The following RPS6KA2 variants were observed in gnomAD, a reference collection of about 807,000 sequenced individuals.
RPS6KA2 encodes ribosomal protein S6 kinase alpha-2.
Under a neutral mutation model 91.8 loss-of-function variants are expected in RPS6KA2, and 42 were observed. That is an observed-to-expected ratio of 0.46 (90% CI 0.36 to 0.59). The LOEUF (loss-of-function observed/expected upper bound fraction) is 0.59. Among genes scored for constraint, RPS6KA2 ranks in the 20% least tolerant of loss-of-function variants. RPS6KA2 has a pLI of 0.00. For missense variants in RPS6KA2, 798 were observed against 978.5 expected (o/e 0.82, Z 2.46); for synonymous variants, 414 against 393.6 (o/e 1.05, Z -0.61).
intron 5 of RPS6KA2, among the ~76,000 whole-genome samples, chr6:166,507,885 C>T (rs879013442): frequency 6.7e-6 from 1 of 148,526 alleles, no homozygotes; most frequent in African/African-American, 2.5e-5. Flanking sequence ...CACGCACACC[C>T]CCCCACACAC....
At chr6:166,661,848 A>C (rs1788172480) in intron 2 of RPS6KA2, among the ~76,000 whole-genome samples, 1 of 152,090 alleles carries the variant, frequency 6.6e-6, no homozygotes, top group South Asian at 2.1e-4. Flanking sequence ...ACTGTGGCCC[A>C]TCTGGAAGTT....
chr6:166,696,338 A>G (rs183325449), intron 2 of RPS6KA2, among the ~76,000 whole-genome samples: 2 of 152,334 alleles, frequency 1.3e-5, no homozygotes, highest in East Asian at 3.9e-4. Flanking sequence ...CTGAATAGGT[A>G]GATGGAAATG....
chr6:166,775,215 T>C (rs1392620063), intron 2 of RPS6KA2, among the ~76,000 whole-genome samples: 1 of 152,036 alleles, frequency 6.6e-6, no homozygotes, highest in African/African-American at 2.4e-5. Context: ...ATAAACACCC[T>C]GGGCCCTTCC....
intron 16 of RPS6KA2, among the ~76,000 whole-genome samples, chr6:166,424,815 G>A (rs139590121): frequency 0.011 from 1,614 of 151,980 alleles, 91 homozygotes; most frequent in Admixed American, 0.096. Context: ...TGCAAGTAAC[G>A]AAAATTCTTA....
chr6:166,541,044 A>G (rs541861445), intron 1 of RPS6KA2, among the ~76,000 whole-genome samples: 6 of 152,356 alleles, frequency 3.9e-5, no homozygotes, highest in Admixed American at 6.5e-5. Context: ...GTCCATTAAC[A>G]TCCTCTACCT....
At chr6:166,707,281 C>CCGGGTTAGAGCACAGT (rs1270148600) in intron 2 of RPS6KA2, among the ~76,000 whole-genome samples, 12 of 152,316 alleles carry the variant, frequency 7.9e-5, no homozygotes, top group Middle Eastern at 3.4e-3. Flanking sequence ...CAGAGCAGAG[C>CCGGGTTAGAGCACAGT]CGGGTTAGAG....
At chr6:166,469,747 C>T (rs375218936) in intron 11 of RPS6KA2, 94 bp downstream of exon 11, 15 of 1,139,772 alleles carry the variant, frequency 1.3e-5, no homozygotes, top group East Asian at 7.1e-5. Context: ...ACTTGTGACC[C>T]GGACACTGAG....
In RPS6KA2 at chr6:166,581,760, C is replaced by T. The variant is rs1166652874; in HGVS notation, c.100-42976G>A. Among the ~76,000 whole-genome samples the T allele has an allele frequency of 4.2e-5, 6 of 142,560 alleles. 1 individual carries two copies. Among genetic ancestry groups the T allele is most frequent in the Non-Finnish European group, 6.1e-5 (4 of 65,402 alleles). The allele number at this position is 142,560 out of a possible 152,430, so 93.5% of individuals were successfully genotyped here. ...GGAACACCCGCTGGGCAGGAGGGCA[C>T]GGGGAGAGGGCCGGATGGGGTGGAA... On this transcript the variant is annotated intron_variant, in intron 1 of 20. Coordinates refer to ENST00000265678, the MANE Select transcript of RPS6KA2 (RefSeq NM_021135.6).
Position 166,821,641 on chromosome 6 carries a change from C to T in RPS6KA2, c.123+36559G>A, listed in dbSNP as rs1190584280. On this transcript the variant is annotated intron_variant, in intron 2 of 21. Coordinates refer to the RPS6KA2 transcript ENST00000503859. The surrounding 1 kb of genome is among the most constrained non-coding windows in gnomAD (Gnocchi z 4.1). ...CCTCACTTATTCCCTTTCACTATTGCTGTGCCCCAGATTTCCACTCGGAGC... is the reference window on the plus strand; with the variant it reads ...CCTCACTTATTCCCTTTCACTATTGTTGTGCCCCAGATTTCCACTCGGAGC... Among the ~76,000 whole-genome samples, 4 of 152,132 alleles carry T rather than the reference C, an allele frequency of 2.6e-5. No homozygotes were observed. The highest frequency in any genetic ancestry group is 7.2e-5 in the African/African-American group (3 of 41,430).
upstream of RPS6KA2, among the ~76,000 whole-genome samples, chr6:166,630,711 C>T (rs998852342): frequency 2.0e-5 from 3 of 152,236 alleles, no homozygotes; most frequent in African/African-American, 7.2e-5. Context: ...TGAACTACTT[C>T]CTGTGGCTGT....
At position 166,611,113 on chromosome 6, in the gene RPS6KA2, A is replaced by G. The variant is rs182261512; in HGVS notation, c.99+15808T>C. Among the ~76,000 whole-genome samples, 21 of 152,366 alleles carry G rather than the reference A, an allele frequency of 1.4e-4. 1 individual carries two copies. In the East Asian group the frequency reaches 2.3e-3, roughly 17 times the overall value. ...TTAATCCTATTTATCCCAGTTTACTATCTCAAATAGACTGGTAAAACTGAA... is the reference window on the plus strand; with the variant it reads ...TTAATCCTATTTATCCCAGTTTACTGTCTCAAATAGACTGGTAAAACTGAA... On this transcript the variant is annotated intron_variant, in intron 1 of 20. Transcript: ENST00000265678.
At chr6:166,647,848 A>G (rs573172721) in intron 2 of RPS6KA2, among the ~76,000 whole-genome samples, 53 of 125,020 alleles carry the variant, frequency 4.2e-4, no homozygotes, top group African/African-American at 1.4e-3. Context: ...ACACACGCAC[A>G]CGCACATGCT....
At chr6:166,580,303 C>G (rs1186327864) in intron 1 of RPS6KA2, among the ~76,000 whole-genome samples, 2 of 152,222 alleles carry the variant, frequency 1.3e-5, no homozygotes, top group South Asian at 4.1e-4. Context: ...AGCGTAGCCT[C>G]AAACCCACTG....
At chr6:166,521,557 C>G (rs932169289) in intron 3 of RPS6KA2, among the ~76,000 whole-genome samples, 3 of 152,238 alleles carry the variant, frequency 2.0e-5, no homozygotes. Context: ...GCTGGTCCCA[C>G]CACGGGATTT....
At chr6:166,723,655 G>A (rs995203981) in intron 2 of RPS6KA2, among the ~76,000 whole-genome samples, 2 of 151,932 alleles carry the variant, frequency 1.3e-5, no homozygotes, top group Admixed American at 6.5e-5. Context: ...GGAAATGACC[G>A]AATTTTTCCC....
intron 2 of RPS6KA2, among the ~76,000 whole-genome samples, chr6:166,823,184 GA>G (rs1243130282): frequency 6.6e-6 from 1 of 152,178 alleles, no homozygotes; most frequent in East Asian, 1.9e-4. Flanking sequence ...GAAAGATCCA[GA>G]ATGCCCAGAA....
chr6:166,488,410 G>A (rs1206868151), intron 10 of RPS6KA2, among the ~76,000 whole-genome samples: 4 of 152,000 alleles, frequency 2.6e-5, no homozygotes, highest in African/African-American at 7.2e-5. Flanking sequence ...TCACATACAC[G>A]AAAAGAAAAT....
At chr6:166,744,395 G>A (rs1336706870) in intron 2 of RPS6KA2, among the ~76,000 whole-genome samples, 1 of 152,160 alleles carries the variant, frequency 6.6e-6, no homozygotes, top group Non-Finnish European at 1.5e-5. Context: ...GGCCCGGGGA[G>A]TCGGAGGGGA....
chr6:166,471,013 C>CG (rs1439167579), intron 10 of RPS6KA2, among the ~76,000 whole-genome samples: 1 of 152,000 alleles, frequency 6.6e-6, no homozygotes, highest in African/African-American at 2.4e-5. Context: ...CTGCCAGCTC[C>CG]GGGCCCAGGG....
Sources: gnomAD v4.1 joint callset for allele counts (sites outside exome capture counted in the v4.1 genomes callset) on GRCh38, gnomAD v4.1.1 for gene constraint, Gnocchi (gnomAD v3.1) non-coding constraint, MANE v1.5 for transcripts, NCBI Gene and HGNC (gene_info 2026-07-23, HGNC 2026-07-21) for gene names.